The following PTPRT variants were observed in gnomAD, a reference collection of about 807,000 sequenced individuals.
PTPRT encodes protein tyrosine phosphatase receptor type T, also known as receptor-type tyrosine-protein phosphatase T.
Under a neutral mutation model 176.8 loss-of-function variants are expected in PTPRT, and 56 were observed. That is an observed-to-expected ratio of 0.32 (90% confidence interval 0.26 to 0.40). The LOEUF (loss-of-function observed/expected upper bound fraction) is 0.40. Among genes scored for constraint, PTPRT ranks in the 10% least tolerant of loss-of-function variants. The pLI, the probability that PTPRT is intolerant of heterozygous loss-of-function variation, is 1.00. For missense variants in PTPRT, 1,540 were observed against 1,908.2 expected (o/e 0.81, Z 3.60); for synonymous variants, 783 against 739.0 (o/e 1.06, Z -0.96).
intron 15 of PTPRT, among the ~76,000 whole-genome samples, chr20:42,219,503 C>T (rs1231040079): frequency 6.6e-6 from 1 of 152,152 alleles, no homozygotes; most frequent in African/African-American, 2.4e-5. Flanking sequence ...TTCAACCTGA[C>T]CCAGTGTTAG....
chr20:43,156,092 A>G (rs185341062), intron 1 of PTPRT, among the ~76,000 whole-genome samples: 1 of 152,314 alleles, frequency 6.6e-6, no homozygotes, highest in Non-Finnish European at 1.5e-5. Context: ...TGAGAAAGGC[A>G]TGGGGAGTGC....
At chr20:42,410,379 C>T (rs1047567667) in intron 9 of PTPRT, among the ~76,000 whole-genome samples, 6 of 151,700 alleles carry the variant, frequency 4.0e-5, no homozygotes, top group African/African-American at 9.7e-5. Context: ...TACAAATGCA[C>T]CTAACAGCAG....
chr20:42,137,437 G>A (rs1182678549), intron 18 of PTPRT, among the ~76,000 whole-genome samples: 1 of 152,186 alleles, frequency 6.6e-6, no homozygotes, highest in East Asian at 1.9e-4. Flanking sequence ...GAGCTCATCT[G>A]CTCTGAGGTT....
intron 7 of PTPRT, among the ~76,000 whole-genome samples, chr20:42,503,212 T>C (rs6102869): frequency 0.011 from 1,607 of 151,962 alleles, 26 homozygotes; most frequent in African/African-American, 0.037. Flanking sequence ...TATATCCTCT[T>C]TCCATTACCC....
chr20:42,269,068 A>AT (rs2056887242), intron 13 of PTPRT, among the ~76,000 whole-genome samples: 1 of 152,166 alleles, frequency 6.6e-6, no homozygotes, highest in Non-Finnish European at 1.5e-5. Flanking sequence ...TCTTTAGTAC[A>AT]TTTCCTACTC....
chr20:43,000,643 A>T (rs1984510694), intron 1 of PTPRT, among the ~76,000 whole-genome samples: 1 of 152,208 alleles, frequency 6.6e-6, no homozygotes, highest in Non-Finnish European at 1.5e-5. Context: ...AAAAATCAAA[A>T]CTTGAGATTA....
chr20:42,285,120 A>G (rs1294607459), intron 12 of PTPRT, among the ~76,000 whole-genome samples: 1 of 152,058 alleles, frequency 6.6e-6, no homozygotes, highest in African/African-American at 2.4e-5. Context: ...AAAGGTTTTC[A>G]GCTTCTGTTG....
At chr20:43,013,146 T>G (rs1273433908) in intron 1 of PTPRT, among the ~76,000 whole-genome samples, 1 of 152,116 alleles carries the variant, frequency 6.6e-6, no homozygotes, top group Non-Finnish European at 1.5e-5. Context: ...CTGTGTTTTT[T>G]ACTTAAAATA....
chr20:42,550,686 G>A (rs1387647640), intron 7 of PTPRT, among the ~76,000 whole-genome samples: 2 of 151,964 alleles, frequency 1.3e-5, no homozygotes, highest in Non-Finnish European at 2.9e-5. Flanking sequence ...TCCTTTATAG[G>A]TAGATCTAAG....
chr20:42,324,346 T>C (rs913975610), intron 11 of PTPRT, among the ~76,000 whole-genome samples: 1 of 152,162 alleles, frequency 6.6e-6, no homozygotes. Context: ...GAAATCAGAT[T>C]AGCAATTGCC....
intron 2 of PTPRT, among the ~76,000 whole-genome samples, chr20:42,868,026 G>A (rs2078779899): frequency 6.6e-6 from 1 of 152,134 alleles, no homozygotes. Flanking sequence ...CAATATGAAT[G>A]GACAAGACGG....
rs147269321 is a variant in PTPRT at position 42,886,570 on chromosome 20, T to C, written c.89-638A>G. On this transcript the variant is annotated intron_variant, in intron 1 of 30. Transcript: ENST00000373187. ...TTTCATGGAGTGAGAATCGAATTGG[T>C]AAGAAATTAGACAATCATGCACCTG... Among the ~76,000 whole-genome samples, 383 of 152,270 alleles carry C rather than the reference T, an allele frequency of 2.5e-3. 1 individual carries two copies. The highest frequency in any genetic ancestry group is 8.7e-3 in the African/African-American group (363 of 41,562).
chr20:42,713,774 T>C (rs1260694526), intron 6 of PTPRT, among the ~76,000 whole-genome samples: 4 of 152,138 alleles, frequency 2.6e-5, no homozygotes, highest in South Asian at 2.1e-4. Context: ...GTCCTTACTA[T>C]AGTGAGTGAG....
chr20:42,716,534 T>C (rs558066074), intron 6 of PTPRT, among the ~76,000 whole-genome samples: 2 of 152,308 alleles, frequency 1.3e-5, no homozygotes, highest in African/African-American at 4.8e-5. Context: ...TGTCTTTTGG[T>C]TGCATAAATG....
intron 3 of PTPRT, among the ~76,000 whole-genome samples, chr20:42,784,467 T>C (rs553517944): frequency 6.6e-6 from 1 of 152,276 alleles, no homozygotes; most frequent in East Asian, 1.9e-4. Flanking sequence ...TTTTACCCTA[T>C]CAGCCCAAGG....
intron 2 of PTPRT, among the ~76,000 whole-genome samples, chr20:42,811,733 C>A (rs1481795753): frequency 6.6e-6 from 1 of 152,064 alleles, no homozygotes; most frequent in Admixed American, 6.5e-5. Context: ...ACCTTCATAC[C>A]CTGATCTATA....
At chr20:43,079,231 T>C (rs772020141) in intron 1 of PTPRT, among the ~76,000 whole-genome samples, 17 of 122,708 alleles carry the variant, frequency 1.4e-4, no homozygotes, top group Non-Finnish European at 2.6e-4. Flanking sequence ...CCCTGTCCTC[T>C]ACCATTAACC....
At chr20:42,452,930 G>A (rs1433531083) in intron 8 of PTPRT, among the ~76,000 whole-genome samples, 1 of 152,074 alleles carries the variant, frequency 6.6e-6, no homozygotes, top group Non-Finnish European at 1.5e-5. Flanking sequence ...ACAATTAATT[G>A]ACCAGTCAAA....
Position 42,513,835 on chromosome 20 carries a change from C to A in PTPRT, c.1154-41273G>T, listed in dbSNP as rs529035904. 3.7e-4 allele frequency among the ~76,000 whole-genome samples: 56 copies of A among 152,208 alleles called. 2 individuals carry two copies. In the South Asian group the frequency reaches 9.3e-3, roughly 25 times the overall value. On this transcript the variant is annotated intron_variant, in intron 7 of 30. Coordinates refer to ENST00000373187, the MANE Select transcript of PTPRT (RefSeq NM_007050.6). The stretch of plus-strand genomic sequence containing the variant: ...GCTTATATACATAAGCAGTGATAAA[C>A]CTCCAATGAAAAATGAACGTTTAAG...
Sources: allele counts gnomAD v4.1 joint callset (sites outside exome capture counted in the v4.1 genomes callset), GRCh38; gene constraint gnomAD v4.1.1; transcripts MANE v1.5; gene names NCBI Gene and HGNC (gene_info 2026-07-23, HGNC 2026-07-21).